CCDC102B: variants seen among roughly 807,000 people sequenced by gnomAD.
CCDC102B encodes the protein coiled-coil domain containing 102B.
CCDC102B carries 75 observed loss-of-function variants against 57.4 expected under a neutral mutation model. The observed-to-expected ratio is 1.31, with a 90% CI of 1.08 to 1.58. The LOEUF (loss-of-function observed/expected upper bound fraction) is 1.58, where lower values mean the gene tolerates loss of function less well. Among genes scored for constraint, CCDC102B ranks in the 40% most tolerant of loss-of-function variants. CCDC102B has a pLI of 0.00. For synonymous variants in CCDC102B, 206 were observed against 201.9 expected, an observed-to-expected ratio of 1.02 and a Z score of -0.17; for missense variants, 636 against 582.6, an observed-to-expected ratio of 1.09 and a Z score of -0.94.
chr18:68,866,681 T>C, intron 4 of CCDC102B: 1 of 433,768 alleles, frequency 2.3e-6, no homozygotes, highest in Non-Finnish European at 4.5e-6. Flanking sequence ...TATCTTGCCA[T>C]AGCACTGTCT....
intron 1 of CCDC102B, among the ~76,000 whole-genome samples, chr18:68,831,033 C>CT (rs995205430): frequency 6.6e-6 from 1 of 151,918 alleles, no homozygotes; most frequent in Non-Finnish European, 1.5e-5. Flanking sequence ...ACACTGGTCA[C>CT]TTTTTTTCTC....
At chr18:68,898,121 G>A (rs1415938874) in intron 6 of CCDC102B, among the ~76,000 whole-genome samples, 3 of 152,034 alleles carry the variant, frequency 2.0e-5, no homozygotes, top group Admixed American at 2.0e-4. Context: ...TAGTTTTAAT[G>A]TGGGTTCGTG....
chr18:68,913,664 A>AG (rs1264352811), intron 6 of CCDC102B, among the ~76,000 whole-genome samples: 1 of 151,260 alleles, frequency 6.6e-6, no homozygotes, highest in Non-Finnish European at 1.5e-5. Context: ...CAAAAGAAAA[A>AG]AAAAAAAGCA....
intron 5 of CCDC102B, among the ~76,000 whole-genome samples, chr18:68,887,554 T>G (rs1188284553): frequency 6.6e-6 from 1 of 152,190 alleles, no homozygotes; most frequent in Non-Finnish European, 1.5e-5. Context: ...TTTGGACAAA[T>G]GTCCGTGTTG....
rs1161518348 is a variant in CCDC102B at position 68,790,057 on chromosome 18, C to A, written c.-66-33309C>A. Among the ~76,000 whole-genome samples the A allele has an allele frequency of 1.2e-4, 17 of 147,726 alleles. No homozygotes were observed. In the East Asian group the frequency reaches 2.8e-3, roughly 24 times the overall value. ...TAGTTTTCCTTCTAACAGACAGGAC[C>A]CTCAGCTGCAGGTCTGTTGGAATAC... is the stretch of plus-strand genomic sequence containing the variant. On this transcript the variant is annotated intron_variant, in intron 2 of 3. Transcript: ENST00000578970.
intron 2 of CCDC102B, among the ~76,000 whole-genome samples, chr18:68,733,368 T>A (rs115118852): frequency 0.038 from 5,725 of 151,830 alleles, 194 homozygotes; most frequent in African/African-American, 0.088. Context: ...TGCTTAAGTC[T>A]CTTTGCAAAT....
In CCDC102B at chr18:68,742,327, A is replaced by T. The variant is rs555916965; in HGVS notation, c.-67+25733A>T. On this transcript the variant is annotated intron_variant, in intron 2 of 3. Coordinates refer to the CCDC102B transcript ENST00000578970. The stretch of plus-strand genomic sequence containing the variant: ...TCTCTTTTCCTCTTCCTATAAGAGC[A>T]CCAGTCATATTTGATTAAAGGCCCA... Among the ~76,000 whole-genome samples the T allele has an allele frequency of 2.6e-5, 4 of 152,210 alleles. No homozygotes were observed. The South Asian group carries it at 8.3e-4, about 32-fold the overall frequency.
chr18:68,890,195 T>A lies in CCDC102B; in HGVS notation c.1054-7024T>A, dbSNP rs11665234. On this transcript the variant is annotated intron_variant, in intron 5 of 7. Coordinates refer to ENST00000360242, the MANE Select transcript of CCDC102B (RefSeq NM_024781.3). ...ACCTGGCTTATAATTTACACACAGT[T>A]TAATGCACGGATATTGAATGATAAT... is the stretch of plus-strand genomic sequence containing the variant. Among the ~76,000 whole-genome samples, 163 of 152,288 alleles carry A rather than the reference T, an allele frequency of 1.1e-3. 1 individual carries two copies. Among genetic ancestry groups the A allele is most frequent in the Admixed American group, 3.7e-3 (57 of 15,290 alleles).
At chr18:69,021,890 G>C (rs555824257) in intron 7 of CCDC102B, among the ~76,000 whole-genome samples, 13 of 151,994 alleles carry the variant, frequency 8.6e-5, no homozygotes, top group Non-Finnish European at 1.8e-4. Context: ...ATTCTCCCCG[G>C]TGTGGATGAT....
intron 4 of CCDC102B, among the ~76,000 whole-genome samples, chr18:68,848,497 G>T (rs2037975646): frequency 6.6e-6 from 1 of 151,994 alleles, no homozygotes; most frequent in Admixed American, 6.6e-5. Context: ...GCATTTGAAA[G>T]TCTGGTGTGC....
chr18:68,741,971 G>A (rs114637720), intron 2 of CCDC102B, among the ~76,000 whole-genome samples: 15 of 152,184 alleles, frequency 9.9e-5, no homozygotes, highest in South Asian at 4.1e-4. Context: ...AAACGGAGAC[G>A]TGAGGGTTCA....
chr18:68,786,764 C>A lies in CCDC102B; in HGVS notation c.-66-36602C>A, dbSNP rs1245394480. On this transcript the variant is annotated intron_variant, in intron 2 of 3. Transcript: ENST00000578970. ...GGGTTTTCTAGATATACAATCATGT[C>A]GTCTGCAAACAGGGACAATTTGACT... is the stretch of plus-strand genomic sequence containing the variant. Among the ~76,000 whole-genome samples, 90 of 145,224 alleles carry A rather than the reference C, an allele frequency of 6.2e-4. No homozygotes were observed. In the Middle Eastern group the frequency reaches 0.014, roughly 23 times the overall value.
chr18:68,817,072 G>GT (rs1230356607), intron 1 of CCDC102B, among the ~76,000 whole-genome samples: 1 of 152,134 alleles, frequency 6.6e-6, no homozygotes, highest in Non-Finnish European at 1.5e-5. Context: ...TTCCATTTAT[G>GT]TTTTTCTTAC....
chr18:68,927,076 T>C (rs2041497861), intron 6 of CCDC102B, among the ~76,000 whole-genome samples: 1 of 151,946 alleles, frequency 6.6e-6, no homozygotes, highest in Non-Finnish European at 1.5e-5. Context: ...CCTGGAAATA[T>C]TTGAGTCTGT....
intron 6 of CCDC102B, among the ~76,000 whole-genome samples, chr18:69,000,396 T>C (rs1359308279): frequency 2.0e-5 from 3 of 152,288 alleles, no homozygotes; most frequent in Non-Finnish European, 4.4e-5. Context: ...TAAAACTAGA[T>C]CTGCATTTGT....
At chr18:68,944,658 A>AT (rs1227772953) in intron 6 of CCDC102B, among the ~76,000 whole-genome samples, 14 of 152,102 alleles carry the variant, frequency 9.2e-5, no homozygotes, top group East Asian at 7.8e-4. Context: ...AACATTATAG[A>AT]TTTTGGCAGG....
intron 4 of CCDC102B, among the ~76,000 whole-genome samples, chr18:68,871,851 T>TA (rs2039252061): frequency 6.6e-6 from 1 of 152,152 alleles, no homozygotes; most frequent in Admixed American, 6.5e-5. Flanking sequence ...AATTGCTTTT[T>TA]AAAAAGCTTT....
At chr18:68,809,720 G>T (rs530969011) in intron 1 of CCDC102B, among the ~76,000 whole-genome samples, 1 of 151,970 alleles carries the variant, frequency 6.6e-6, no homozygotes. Flanking sequence ...AGAATTTCAC[G>T]GCTGGAACAT....
chr18:68,884,107 G>C (rs999736837), intron 5 of CCDC102B, among the ~76,000 whole-genome samples: 1 of 152,042 alleles, frequency 6.6e-6, no homozygotes, highest in African/African-American at 2.4e-5. Context: ...ACAATACCAA[G>C]GTTTCTAAGT....
Sources: allele counts gnomAD v4.1 joint callset (sites outside exome capture counted in the v4.1 genomes callset), GRCh38; gene constraint gnomAD v4.1.1; transcripts MANE v1.5; gene names NCBI Gene and HGNC (gene_info 2026-07-23, HGNC 2026-07-21).